The following INPP5A variants were observed in gnomAD, a reference collection of about 807,000 sequenced individuals.
INPP5A encodes 43 kDa inositol polyphosphate 5-phophatase.
A neutral mutation model predicts 65.2 loss-of-function variants in INPP5A; 14 were observed. The ratio of observed to expected loss-of-function variants is 0.21; its 90% CI spans 0.14 to 0.34. The LOEUF is 0.34. Among genes scored for constraint, INPP5A ranks in the 10% least tolerant of loss-of-function variants. The probability of loss-of-function intolerance (pLI) is 1.00; values close to 1 mark genes in which losing one functional copy is unlikely to be tolerated. For synonymous variants in INPP5A, 207 were observed against 208.3 expected, an observed-to-expected ratio of 0.99 and a Z score of 0.05; for missense variants, 431 against 545.6, an observed-to-expected ratio of 0.79 and a Z score of 2.09.
intron 1 of INPP5A, among the ~76,000 whole-genome samples, chr10:132,605,274 G>A (rs1415395411): frequency 2.7e-5 from 3 of 113,142 alleles, no homozygotes; most frequent in African/African-American, 1.0e-4. Context: ...AGGGGCTGGG[G>A]ATGGGGAGTG....
chr10:132,635,303 C>T (rs1361951479), intron 2 of INPP5A, among the ~76,000 whole-genome samples: 1 of 151,664 alleles, frequency 6.6e-6, no homozygotes, highest in African/African-American at 2.4e-5. Flanking sequence ...CCCTTTTCCC[C>T]TCATTCCTGC....
chr10:132,579,127 T>G (rs1229027625), intron 1 of INPP5A, among the ~76,000 whole-genome samples: 2 of 151,898 alleles, frequency 1.3e-5, no homozygotes, highest in African/African-American at 4.8e-5. Flanking sequence ...TGAAATGAGC[T>G]GGGCTTCTGA....
At position 132,620,461 on chromosome 10, in the gene INPP5A, T is replaced by C. The variant is rs116675154; in HGVS notation, c.117+12505T>C. ...TAGAAGCAGCCAGGCCACATCTTTCTTGAGCACTTTGCTGCTTAGAAATTT... is the reference window on the plus strand; with the variant it reads ...TAGAAGCAGCCAGGCCACATCTTTCCTGAGCACTTTGCTGCTTAGAAATTT... On this transcript the variant is annotated intron_variant, in intron 2 of 15. Transcript: ENST00000368594. Among the ~76,000 whole-genome samples the C allele has an allele frequency of 2.3e-3, 345 of 152,362 alleles. 3 individuals carry two copies. The highest frequency in any genetic ancestry group is 0.02 in the Middle Eastern group (6 of 294).
intron 1 of INPP5A, among the ~76,000 whole-genome samples, chr10:132,559,509 C>A (rs530387776): frequency 2.0e-5 from 3 of 152,214 alleles, no homozygotes; most frequent in Admixed American, 1.3e-4. Flanking sequence ...TCCTTTCCCC[C>A]CTTCCGCCAA....
chr10:132,594,109 A>G (rs1489480868), intron 1 of INPP5A, among the ~76,000 whole-genome samples: 3 of 152,182 alleles, frequency 2.0e-5, no homozygotes, highest in African/African-American at 7.2e-5. Flanking sequence ...GCTGGTTTGA[A>G]GGTTTCCCTT....
chr10:132,641,491 TCAGA>T (rs60584518), intron 2 of INPP5A, among the ~76,000 whole-genome samples: 2,347 of 152,348 alleles, frequency 0.015, 50 homozygotes, highest in African/African-American at 0.052. Context: ...CATGAATTCC[TCAGA>T]CAGTTTGCCT....
intron 9 of INPP5A, among the ~76,000 whole-genome samples, chr10:132,744,660 G>A (rs1006668322): frequency 6.6e-6 from 1 of 152,182 alleles, no homozygotes; most frequent in Non-Finnish European, 1.5e-5. Flanking sequence ...CGGGGGCAAC[G>A]TTGGCTTTGT....
rs2073031520 is a variant in INPP5A, at chr10:132,680,741, GC to G, written c.307-9647del. ...TTCCGGGTGGGCGTGGGCTTGGCGGGCCCCGCACTCCGAGCAGCCGGCCGGC... is the reference window on the plus strand; with the variant it reads ...TTCCGGGTGGGCGTGGGCTTGGCGGGCCCGCACTCCGAGCAGCCGGCCGGC... On this transcript the variant is annotated intron_variant, in intron 4 of 15. Transcript: ENST00000368594. Among the ~76,000 whole-genome samples, 5 of 152,384 alleles carry G rather than the reference GC, an allele frequency of 3.3e-5. No homozygotes were observed. In the East Asian group the frequency reaches 9.6e-4, roughly 29 times the overall value.
rs1037708836 is a variant in INPP5A, at chr10:132,603,683, TATC to T, written c.76-4229_76-4227del. 1.3e-5 allele frequency among the ~76,000 whole-genome samples: 2 copies of T among 152,200 alleles called. No individual in the cohort carries two copies. Among genetic ancestry groups the T allele is most frequent in the African/African-American group, 4.8e-5 (2 of 41,442 alleles). On this transcript the variant is annotated intron_variant, in intron 1 of 15. Coordinates refer to ENST00000368594, the MANE Select transcript of INPP5A (RefSeq NM_005539.5). This position sits in a 1 kb window ranked among gnomAD's most constrained non-coding sequence, Gnocchi z 4.2. ...TTTATGAATGCTCTGGTTTGGAAGG[TATC>T]ATGATTCTTAGGCAGCCTCTCAGCT...
At position 132,699,690 on chromosome 10, in the gene INPP5A, G is replaced by A. The variant is rs1277053364; in HGVS notation, c.474+1771G>A. On this transcript the variant is annotated intron_variant, in intron 6 of 15. Transcript: ENST00000368594. ...CAGGGTCAGCCAGGGTGGGAAGCTC[G>A]GGGGCAGCGGGCCCTCAGCAAGGAA... Among the ~76,000 whole-genome samples the A allele has an allele frequency of 5.3e-5, 8 of 152,260 alleles. 1 individual carries two copies. The highest frequency in any genetic ancestry group is 3.9e-4 in the Admixed American group (6 of 15,306).
rs1397436565 is a variant in INPP5A, at chr10:132,720,613, T to A, written c.648-6208T>A. Among the ~76,000 whole-genome samples, 9 of 146,764 alleles carry A rather than the reference T, an allele frequency of 6.1e-5. No homozygotes were observed. In the East Asian group the frequency reaches 6.4e-4, roughly 10 times the overall value. On this transcript the variant is annotated intron_variant, in intron 8 of 15. Coordinates refer to ENST00000368594, the MANE Select transcript of INPP5A (RefSeq NM_005539.5). Reference sequence around the variant, plus strand: ...GCACCTTAGACGGCTGTCTTCAGGGTTCTGTGGTACCTGGGTTCTGTCTGG... The same window carrying A: ...GCACCTTAGACGGCTGTCTTCAGGGATCTGTGGTACCTGGGTTCTGTCTGG...
intron 1 of INPP5A, among the ~76,000 whole-genome samples, chr10:132,594,676 TG>T (rs1230895464): frequency 6.6e-6 from 1 of 151,912 alleles, no homozygotes; most frequent in Admixed American, 6.6e-5. Context: ...ATGTGTGGCG[TG>T]GTGGGTGTGT....
At chr10:132,774,341 C>T (rs1053968583) in intron 12 of INPP5A, among the ~76,000 whole-genome samples, 1 of 152,200 alleles carries the variant, frequency 6.6e-6, no homozygotes, top group East Asian at 1.9e-4. Flanking sequence ...CCTCCTGCTC[C>T]GTGTACACAA....
chr10:132,590,512 T>C (rs917239850), intron 1 of INPP5A, among the ~76,000 whole-genome samples: 2 of 152,084 alleles, frequency 1.3e-5, no homozygotes, highest in African/African-American at 2.4e-5. Context: ...GGTGTGGACA[T>C]TGCGACACGT....
chr10:132,558,139 G>C (rs940059269), intron 1 of INPP5A, among the ~76,000 whole-genome samples: 1 of 152,214 alleles, frequency 6.6e-6, no homozygotes, highest in African/African-American at 2.4e-5. Context: ...CGCAGGGCAG[G>C]TCAGAGTACC....
Position 132,777,899 on chromosome 10 carries a change from C to T in INPP5A, c.1089+117C>T, listed in dbSNP as rs1054415669. The T allele has an allele frequency of 4.6e-6, 7 of 1,523,594 alleles. No individual in the cohort carries two copies. The African/African-American group carries it at 9.6e-5, about 21-fold the overall frequency. The allele number at this position is 1,523,594 out of a possible 1,614,324, so 94.4% of individuals were successfully genotyped here. A position where few individuals can be genotyped will look rare whatever the true frequency, so the allele number is the denominator to read the frequency against. On this transcript the variant is annotated intron_variant, in intron 13 of 15. Transcript: ENST00000368594. ...GGGGCACCCAGTCTGGGGAATGCTG[C>T]CAGGTTGGGCCCTGACCTCGTGCTG...
rs1207394002 is a variant in INPP5A at position 132,644,523 on chromosome 10, C to T, written c.118-1345C>T. On this transcript the variant is annotated intron_variant, in intron 2 of 15. Coordinates refer to ENST00000368594, the MANE Select transcript of INPP5A (RefSeq NM_005539.5). This position sits in a 1 kb window ranked among gnomAD's most constrained non-coding sequence, Gnocchi z 6.5. ...CGCCCTGGACCGTGGCCGCTGGGCT[C>T]CTGGGAGGTGGGCCATGCCCACAGC... Among the ~76,000 whole-genome samples, 1 of 152,248 alleles carries T rather than the reference C, an allele frequency of 6.6e-6. No homozygotes were observed. The highest frequency in any genetic ancestry group is 1.5e-5 in the Non-Finnish European group (1 of 68,038).
chr10:132,747,757 C>T (rs1404499618), intron 9 of INPP5A, among the ~76,000 whole-genome samples: 2 of 152,206 alleles, frequency 1.3e-5, no homozygotes, highest in East Asian at 1.9e-4. Flanking sequence ...CTTAAAAAAA[C>T]AGATTTATAG....
At position 132,650,564 on chromosome 10, in the gene INPP5A, G is replaced by A; in HGVS notation, c.306+59G>A. ...GACAGGCTGGCCTTGGCAGAAGCCAGCCCTTCTCCTGTGTAAATGGAGAGA... is the reference window on the plus strand; with the variant it reads ...GACAGGCTGGCCTTGGCAGAAGCCAACCCTTCTCCTGTGTAAATGGAGAGA... On this transcript the variant is annotated intron_variant, in intron 4 of 15. Transcript: ENST00000368594. This position sits in a 1 kb window ranked among gnomAD's most constrained non-coding sequence, Gnocchi z 5.5. 3.2e-6 allele frequency: 4 copies of A among 1,237,384 alleles called. No individual in the cohort carries two copies. The highest frequency in any genetic ancestry group is 4.7e-6 in the Non-Finnish European group (4 of 843,110). The allele number at this position is 1,237,384 out of a possible 1,614,324, so 76.7% of individuals were successfully genotyped here.
Sources: allele counts gnomAD v4.1 joint callset (sites outside exome capture counted in the v4.1 genomes callset), GRCh38; gene constraint gnomAD v4.1.1; non-coding constraint Gnocchi (gnomAD v3.1); transcripts MANE v1.5; gene names NCBI Gene and HGNC (gene_info 2026-07-23, HGNC 2026-07-21).